The following DPP10 variants were observed in gnomAD, a reference collection of about 807,000 sequenced individuals.
DPP10 encodes dipeptidyl peptidase like 10, also known as inactive dipeptidyl peptidase 10.
A neutral mutation model predicts 120.9 loss-of-function variants in DPP10; 33 were observed. The observed-to-expected ratio is 0.27, with a 90% confidence interval of 0.21 to 0.37. The LOEUF is 0.37. DPP10 is among the 10% of genes least tolerant of loss of function. DPP10 has a pLI of 1.00. For missense variants in DPP10, 816 were observed against 942.8 expected (o/e 0.87, Z 1.76); for synonymous variants, 337 against 326.1 (o/e 1.03, Z -0.36).
intron 1 of DPP10, among the ~76,000 whole-genome samples, chr2:115,271,124 G>A (rs2105811564): frequency 6.6e-6 from 1 of 152,258 alleles, no homozygotes; most frequent in South Asian, 2.1e-4. Flanking sequence ...TTAGGTATGT[G>A]TACAATATCA....
intron 1 of DPP10, among the ~76,000 whole-genome samples, chr2:114,478,775 A>C (rs1315572197): frequency 6.6e-6 from 1 of 152,270 alleles, no homozygotes; most frequent in Admixed American, 6.5e-5. Context: ...TTTTATACCA[A>C]CTGTGAACAT....
At chr2:115,063,614 A>G (rs780711343) in intron 1 of DPP10, among the ~76,000 whole-genome samples, 5 of 152,212 alleles carry the variant, frequency 3.3e-5, no homozygotes, top group Admixed American at 2.0e-4. Flanking sequence ...ATAAGATTGC[A>G]TGTCTATAAC....
At chr2:114,662,657 G>T (rs563990490) in intron 1 of DPP10, among the ~76,000 whole-genome samples, 1 of 152,278 alleles carries the variant, frequency 6.6e-6, no homozygotes, top group South Asian at 2.1e-4. Flanking sequence ...CACCCCAGGA[G>T]CTCCAGAAAG....
At chr2:115,424,855 T>G (rs1352510818) in intron 3 of DPP10, among the ~76,000 whole-genome samples, 1 of 152,158 alleles carries the variant, frequency 6.6e-6, no homozygotes, top group South Asian at 2.1e-4. Context: ...TTTAAGTGAT[T>G]TGAGATTCTG....
At chr2:114,524,824 T>C (rs1232575059) in intron 1 of DPP10, among the ~76,000 whole-genome samples, 1 of 152,204 alleles carries the variant, frequency 6.6e-6, no homozygotes, top group African/African-American at 2.4e-5. Context: ...CCTGTTTGTT[T>C]GTTTCTCAGT....
At chr2:115,371,328 GTC>G (rs2065395631) in intron 3 of DPP10, among the ~76,000 whole-genome samples, 2 of 152,136 alleles carry the variant, frequency 1.3e-5, no homozygotes, top group Non-Finnish European at 2.9e-5. Flanking sequence ...GAAAGAAGGA[GTC>G]TCTTACAAAA....
chr2:115,090,669 C>A (rs1005752334), intron 1 of DPP10, among the ~76,000 whole-genome samples: 1 of 110,946 alleles, frequency 9.0e-6, no homozygotes, highest in Admixed American at 9.8e-5. Context: ...GAGAACAAAC[C>A]TGAGAGGGGT....
At chr2:115,527,477 A>C (rs58662616) in intron 5 of DPP10, among the ~76,000 whole-genome samples, 3,618 of 152,278 alleles carry the variant, frequency 0.024, 141 homozygotes, top group African/African-American at 0.082. Flanking sequence ...GCTAGGGAAA[A>C]ATTTCTTAAA....
intron 1 of DPP10, among the ~76,000 whole-genome samples, chr2:115,030,129 A>C (rs1703738315): frequency 6.6e-6 from 1 of 152,140 alleles, no homozygotes; most frequent in Admixed American, 6.6e-5. Context: ...TGTCCTAGGG[A>C]ATCTCTAGCC....
intron 1 of DPP10, among the ~76,000 whole-genome samples, chr2:115,067,342 C>T (rs1400153003): frequency 1.3e-5 from 2 of 151,540 alleles, no homozygotes; most frequent in East Asian, 4.0e-4. Flanking sequence ...AGCTCCGCCT[C>T]CCGGGTTCCC....
intron 1 of DPP10, among the ~76,000 whole-genome samples, chr2:114,954,717 C>T (rs1340578501): frequency 6.6e-6 from 1 of 151,040 alleles, no homozygotes. Flanking sequence ...TTTAGCCAGA[C>T]TAAGAAAAAA....
intron 1 of DPP10, among the ~76,000 whole-genome samples, chr2:114,950,443 C>T (rs935291703): frequency 1.3e-5 from 2 of 150,870 alleles, no homozygotes; most frequent in Admixed American, 6.6e-5. Context: ...TACAGGTTCC[C>T]GCCACCACGC....
At chr2:114,617,218 C>G (rs966211400) in intron 1 of DPP10, among the ~76,000 whole-genome samples, 3 of 151,980 alleles carry the variant, frequency 2.0e-5, no homozygotes, top group African/African-American at 7.2e-5. Context: ...CACTGGAAGA[C>G]AATTGAGGAC....
intron 12 of DPP10, among the ~76,000 whole-genome samples, chr2:115,763,970 C>T (rs1260146410): frequency 6.6e-6 from 1 of 152,142 alleles, no homozygotes; most frequent in Non-Finnish European, 1.5e-5. Flanking sequence ...TTCCCTCAAA[C>T]TTTCTTATAT....
chr2:114,726,784 A>C lies in DPP10; in HGVS notation c.60+283946A>C, dbSNP rs1346596456. ...TAGTTTGAATTGTGCAGGAAAAAGA[A>C]AATTGCAAGGATAAGCTCATTTTTT... On this transcript the variant is annotated intron_variant, in intron 1 of 25. Transcript: ENST00000410059. Among the ~76,000 whole-genome samples the C allele has an allele frequency of 2.6e-5, 4 of 152,350 alleles. No individual in the cohort carries two copies. In the East Asian group the frequency reaches 7.7e-4, roughly 29 times the overall value.
At chr2:115,420,521 ATAT>A (rs769544845) in intron 3 of DPP10, among the ~76,000 whole-genome samples, 97 of 152,180 alleles carry the variant, frequency 6.4e-4, no homozygotes, top group Non-Finnish European at 1.1e-3. Context: ...TAAAAATGAA[ATAT>A]TATTCTCTCA....
chr2:115,183,067 A>C (rs751196569), intron 1 of DPP10, among the ~76,000 whole-genome samples: 9 of 152,178 alleles, frequency 5.9e-5, no homozygotes, highest in Non-Finnish European at 1.2e-4. Flanking sequence ...AGAGGCACGC[A>C]CATTAACTAA....
At chr2:114,643,333 C>T (rs1327543061) in intron 1 of DPP10, among the ~76,000 whole-genome samples, 1 of 151,846 alleles carries the variant, frequency 6.6e-6, no homozygotes, top group Non-Finnish European at 1.5e-5. Flanking sequence ...ATCTTCTCTC[C>T]CGTGAAGCAA....
rs193236419 is a variant in DPP10, at chr2:115,696,462, G to T, written c.576+6541G>T. ...GGCTGATGTGTTCAAAATTCTAAAA[G>T]AAAAACAAAACAAATCAAAATCTGT... On this transcript the variant is annotated intron_variant, in intron 7 of 25. Transcript: ENST00000410059. Among the ~76,000 whole-genome samples, 769 of 152,160 alleles carry T rather than the reference G, an allele frequency of 5.1e-3. 7 individuals carry two copies. The highest frequency in any genetic ancestry group is 0.018 in the African/African-American group (735 of 41,524).
Sources: allele counts gnomAD v4.1 joint callset (sites outside exome capture counted in the v4.1 genomes callset), GRCh38; gene constraint gnomAD v4.1.1; transcripts MANE v1.5; gene names NCBI Gene and HGNC (gene_info 2026-07-23, HGNC 2026-07-21).